DLC1: variants seen among roughly 807,000 people sequenced by gnomAD.
DLC1 encodes rho GTPase-activating protein 7.
In DLC1, 54 loss-of-function variants were observed where a neutral mutation model predicts 140.3. The observed-to-expected ratio is 0.38, with a 90% confidence interval of 0.31 to 0.48. The LOEUF is 0.48. Ranked by LOEUF, DLC1 falls within the 20% of genes least tolerant of loss-of-function variation. The pLI is 0.96. For missense variants in DLC1, 2,536 were observed against 1,907.0 expected (o/e 1.33, Z -6.14); for synonymous variants, 986 against 728.1 (o/e 1.35, Z -5.70).
chr8:13,564,307 A>G (rs1460612655), intron 1 of DLC1, among the ~76,000 whole-genome samples: 1 of 152,214 alleles, frequency 6.6e-6, no homozygotes, highest in African/African-American at 2.4e-5. Context: ...ATCATTTTTC[A>G]TCTTGAGTGA....
intron 1 of DLC1, among the ~76,000 whole-genome samples, chr8:13,520,363 T>C (rs576819737): frequency 6.6e-6 from 1 of 152,148 alleles, no homozygotes; most frequent in Non-Finnish European, 1.5e-5. Flanking sequence ...CTCAGCAAAG[T>C]ATCACAAGAT....
At chr8:13,515,704 C>T (rs918512136), upstream of DLC1, 2 of 152,178 alleles carry the variant, frequency 1.3e-5, no homozygotes, top group Non-Finnish European at 2.9e-5. Flanking sequence ...TGACTTCCTC[C>T]TAGCTGCTCC....
rs562000851 is a variant in DLC1, at chr8:13,513,166, A to C, written c.-126+1436T>G. On this transcript the variant is annotated intron_variant, in intron 1 of 17. Coordinates refer to ENST00000276297, the MANE Select transcript of DLC1 (RefSeq NM_182643.3). ...CTATTAGCTAGAGGTGTGACCTTGG[A>C]CAGGTCACTTTTAAATCCCATTTCT... Among the ~76,000 whole-genome samples, 312 of 152,154 alleles carry C rather than the reference A, an allele frequency of 2.1e-3. 1 individual carries two copies. Among genetic ancestry groups the C allele is most frequent in the Non-Finnish European group, 1.0e-3 (68 of 67,976 alleles).
At chr8:13,216,573 C>T (rs1021708074) in intron 5 of DLC1, among the ~76,000 whole-genome samples, 2 of 152,148 alleles carry the variant, frequency 1.3e-5, no homozygotes, top group African/African-American at 4.8e-5. Flanking sequence ...CATAGTCTGC[C>T]TAAGGGTCCT....
At chr8:13,376,441 C>G (rs1412963452) in intron 4 of DLC1, among the ~76,000 whole-genome samples, 1 of 152,260 alleles carries the variant, frequency 6.6e-6, no homozygotes, top group East Asian at 1.9e-4. Context: ...CTCCCGGAAT[C>G]CCACCCATCT....
At position 13,086,318 on chromosome 8, in the gene DLC1, G is replaced by C. The variant is rs764810204; in HGVS notation, c.4438C>G (p.Leu1480Val). 37 of 1,614,098 alleles carry C rather than the reference G, an allele frequency of 2.3e-5. No individual in the cohort carries two copies. Among genetic ancestry groups the C allele is most frequent in the Non-Finnish European group, 3.0e-5 (35 of 1,180,050 alleles). ...AAGTCAACTCTGCACATGTAGGTGA[G>C]TTTGGATTTTCCTGGCCCACAGGGT... ...IEPCGPGKSK[L>V]TYMCRVDLRG... Residue 1480 changes from leucine to valine, a missense_variant, in exon 17 of 18, where the codon CTC becomes GTC. Coordinates refer to ENST00000276297, the MANE Select transcript of DLC1 (RefSeq NM_182643.3).
intron 5 of DLC1, among the ~76,000 whole-genome samples, chr8:13,237,629 G>A (rs1829348709): frequency 6.6e-6 from 1 of 151,928 alleles, no homozygotes; most frequent in Non-Finnish European, 1.5e-5. Flanking sequence ...CTCCCCACCT[G>A]AGTCCCCAAA....
chr8:13,488,551 C>G (rs1267838748), intron 2 of DLC1, among the ~76,000 whole-genome samples: 1 of 152,142 alleles, frequency 6.6e-6, no homozygotes, highest in Non-Finnish European at 1.5e-5. Context: ...CCCTTTCCCT[C>G]ATTTATTCCC....
chr8:13,364,571 A>T (rs1162223669), intron 4 of DLC1, among the ~76,000 whole-genome samples: 6 of 152,196 alleles, frequency 3.9e-5, no homozygotes, highest in African/African-American at 1.2e-4. Flanking sequence ...TGCTGGGATT[A>T]CAGGTGTGAA....
chr8:13,232,197 A>T (rs539661712), intron 5 of DLC1, among the ~76,000 whole-genome samples: 3 of 152,232 alleles, frequency 2.0e-5, no homozygotes, highest in African/African-American at 2.4e-5. Context: ...GGGGGAATAG[A>T]CAGCTGTCTA....
intron 4 of DLC1, chr8:13,341,287 C>G (rs770591780): frequency 6.6e-6 from 1 of 152,172 alleles, no homozygotes; most frequent in African/African-American, 2.4e-5. Context: ...ATTGTCTAGT[C>G]TAGAAATGAA....
chr8:13,400,035 C>T (rs1021959098), intron 3 of DLC1, among the ~76,000 whole-genome samples: 2 of 152,062 alleles, frequency 1.3e-5, no homozygotes, highest in African/African-American at 4.8e-5. Context: ...ACACAATTAT[C>T]AGAAGGAGTG....
At chr8:13,374,159 T>C (rs1413697520) in intron 4 of DLC1, among the ~76,000 whole-genome samples, 1 of 152,186 alleles carries the variant, frequency 6.6e-6, no homozygotes, top group Non-Finnish European at 1.5e-5. Context: ...CCTCTTGAAA[T>C]AGGTCTCAGA....
intron 2 of DLC1, among the ~76,000 whole-genome samples, chr8:13,472,288 TAC>T (rs1200568233): frequency 6.6e-6 from 1 of 152,190 alleles, no homozygotes; most frequent in African/African-American, 2.4e-5. Flanking sequence ...AATGCGTGTA[TAC>T]ACACATATGT....
chr8:13,095,072 G>A lies in DLC1; in HGVS notation c.3327+14C>T. The stretch of plus-strand genomic sequence containing the variant: ...GCTCCCCTGAGTACGTGGACCCGCA[G>A]GCAGCGCTCTCACCTGATCCAAACA... On this transcript the variant is annotated intron_variant, in intron 11 of 17. Transcript: ENST00000276297. 1.2e-6 allele frequency: 2 copies of A among 1,614,088 alleles called. No homozygotes were observed. Among genetic ancestry groups the A allele is most frequent in the South Asian group, 1.1e-5 (1 of 91,086 alleles).
intron 2 of DLC1, among the ~76,000 whole-genome samples, chr8:13,463,866 C>T (rs974702435): frequency 3.3e-5 from 5 of 151,886 alleles, no homozygotes; most frequent in East Asian, 1.9e-4. Flanking sequence ...CAAGGGGACA[C>T]GAAAGAGCTC....
At chr8:13,361,722 C>T (rs1835235944) in intron 4 of DLC1, among the ~76,000 whole-genome samples, 1 of 152,144 alleles carries the variant, frequency 6.6e-6, no homozygotes, top group Admixed American at 6.5e-5. Flanking sequence ...CAAGTTTTCC[C>T]TACCAAAATC....
At chr8:13,138,847 G>T (rs1822760365) in intron 5 of DLC1, among the ~76,000 whole-genome samples, 1 of 152,138 alleles carries the variant, frequency 6.6e-6, no homozygotes, top group African/African-American at 2.4e-5. Flanking sequence ...ATAATAAGGG[G>T]CTTAGGCAGC....
chr8:13,129,931 C>T (rs1821935275), intron 5 of DLC1, among the ~76,000 whole-genome samples: 1 of 152,150 alleles, frequency 6.6e-6, no homozygotes, highest in Non-Finnish European at 1.5e-5. Context: ...TTTTGCATGG[C>T]CTCATTTCCG....
Sources: gnomAD v4.1 joint callset for allele counts (sites outside exome capture counted in the v4.1 genomes callset) on GRCh38, gnomAD v4.1.1 for gene constraint, MANE v1.5 for transcripts, NCBI Gene and HGNC (gene_info 2026-07-23, HGNC 2026-07-21) for gene names.